SCIN: variants seen among roughly 807,000 people sequenced by gnomAD.
SCIN encodes the protein scinderin, also known as adseverin.
A neutral mutation model predicts 91.8 loss-of-function variants in SCIN; 91 were observed. The ratio of observed to expected loss-of-function variants is 0.99; its 90% CI spans 0.84 to 1.18. The LOEUF (loss-of-function observed/expected upper bound fraction) is 1.18. Among genes scored for constraint, SCIN ranks in the 50% most tolerant of loss-of-function variants. The pLI, the probability that SCIN is intolerant of heterozygous loss-of-function variation, is 0.00. For synonymous variants in SCIN, 367 were observed against 312.6 expected, an observed-to-expected ratio of 1.17 and a Z score of -1.84; for missense variants, 1,087 against 863.9, an observed-to-expected ratio of 1.26 and a Z score of -3.24.
In SCIN at chr7:12,600,181, C is replaced by T. The variant is rs567724817; in HGVS notation, c.517-4333C>T. On this transcript the variant is annotated intron_variant, in intron 3 of 15. Coordinates refer to ENST00000297029, the MANE Select transcript of SCIN (RefSeq NM_001112706.3). ...AGGTCTACTCAGCCATAAAGAGGAA[C>T]GAAATAATGGCATTCGCATGCACCT... Among the ~76,000 whole-genome samples, 72 of 152,154 alleles carry T rather than the reference C, an allele frequency of 4.7e-4. No individual in the cohort carries two copies. In the Middle Eastern group the frequency reaches 0.01, roughly 22 times the overall value.
At chr7:12,604,103 CATGTATTTGTCAATTTAAA>C in intron 3 of SCIN, among the ~76,000 whole-genome samples, 1 of 151,928 alleles carries the variant, frequency 6.6e-6, no homozygotes. Context: ...ATACATGCAA[CATGTATTTGTCAATTTAAA>C]AACATGAATA....
chr7:12,596,130 T>C (rs1782835681), intron 3 of SCIN: 1 of 284,400 alleles, frequency 3.5e-6, no homozygotes, highest in African/African-American at 2.2e-5. Flanking sequence ...TAGGATTTTA[T>C]AGATTCCTTT....
At chr7:12,589,248 G>A (rs1583281697) in intron 3 of SCIN, among the ~76,000 whole-genome samples, 1 of 126,774 alleles carries the variant, frequency 7.9e-6, no homozygotes, top group African/African-American at 3.1e-5. Flanking sequence ...ATGGAGTCTT[G>A]CTCTGTCGCC....
chr7:12,643,019 A>G (rs1405860016), intron 11 of SCIN, among the ~76,000 whole-genome samples: 6 of 152,200 alleles, frequency 3.9e-5, no homozygotes, highest in African/African-American at 1.4e-4. Flanking sequence ...TCAAAATGAC[A>G]TTTAAGCATA....
At position 12,591,136 on chromosome 7, in the gene SCIN, G is replaced by A. The variant is rs184545460; in HGVS notation, c.516+9915G>A. On this transcript the variant is annotated intron_variant, in intron 3 of 15. Coordinates refer to ENST00000297029, the MANE Select transcript of SCIN (RefSeq NM_001112706.3). ...TGTTTGGGAAATGTGGCTGTACGTG[G>A]TCCAGGATATCAGTGGAAGAATGAG... 1.5e-4 allele frequency among the ~76,000 whole-genome samples: 23 copies of A among 152,262 alleles called. No homozygotes were observed. The East Asian group carries it at 4.4e-3, about 29-fold the overall frequency.
intron 11 of SCIN, among the ~76,000 whole-genome samples, chr7:12,643,723 G>A (rs962769287): frequency 1.3e-5 from 2 of 152,186 alleles, no homozygotes; most frequent in Admixed American, 6.5e-5. Flanking sequence ...CCTTCTTGAA[G>A]CATTTTCCTC....
chr7:12,598,690 C>T (rs1380493584), intron 3 of SCIN, among the ~76,000 whole-genome samples: 2 of 151,992 alleles, frequency 1.3e-5, no homozygotes, highest in Non-Finnish European at 2.9e-5. Context: ...CCCAGGACAT[C>T]GAGACCAGCT....
At chr7:12,612,547 T>C (rs1334232073) in intron 4 of SCIN, among the ~76,000 whole-genome samples, 1 of 152,056 alleles carries the variant, frequency 6.6e-6, no homozygotes, top group Admixed American at 6.6e-5. Context: ...ATCCAAAGTA[T>C]TACAGTGATA....
At chr7:12,612,160 C>G (rs1423973461) in intron 4 of SCIN, among the ~76,000 whole-genome samples, 2 of 152,036 alleles carry the variant, frequency 1.3e-5, no homozygotes, top group Admixed American at 1.3e-4. Context: ...TTTCCTATGA[C>G]TTTTTGTAAG....
At chr7:12,649,413 A>G (rs1242914502) in intron 13 of SCIN, 54 bp from the exon 14 acceptor site, 6 of 1,140,906 alleles carry the variant, frequency 5.3e-6, no homozygotes, top group Non-Finnish European at 6.3e-6. Flanking sequence ...TATCCTATGT[A>G]TTAGAAAAAT....
chr7:12,578,368 C>A, intron 2 of SCIN, 150 bp downstream of exon 2: 1 of 583,268 alleles, frequency 1.7e-6, no homozygotes. Context: ...GATATATCCC[C>A]AGTACCTGCT....
At chr7:12,583,538 T>C (rs1050598986) in intron 3 of SCIN, among the ~76,000 whole-genome samples, 1 of 152,204 alleles carries the variant, frequency 6.6e-6, no homozygotes, top group South Asian at 2.1e-4. Context: ...TTAGATAGTA[T>C]GGCCTGGTAA....
chr7:12,633,977 T>C (rs1300278415), intron 9 of SCIN, among the ~76,000 whole-genome samples: 2 of 151,992 alleles, frequency 1.3e-5, no homozygotes, highest in Admixed American at 1.3e-4. Flanking sequence ...TTTTTTTTTT[T>C]TTGCACCCCT....
At chr7:12,626,896 C>A in intron 8 of SCIN, 97 bp downstream of exon 8, 1 of 1,090,788 alleles carries the variant, frequency 9.2e-7, no homozygotes, top group African/African-American at 1.6e-5. Context: ...TCGAGATCAG[C>A]CTGGCCAACA....
At position 12,652,644 on chromosome 7, in the gene SCIN, A is replaced by G. The variant is rs1784105920; in HGVS notation, c.2077A>G (p.Ile693Val). The change falls in exon 16 of 16, where the codon ATC (isoleucine) becomes GTC (valine). Residue 693 changes from isoleucine (I) to valine (V), a missense_variant. Transcript: ENST00000297029. ...AAGAGACAAGAGGACACCAATTGTC[A>G]TCATAAAACAGGGCCATGAGCCACC... The part of the protein sequence containing the change: ...SGRDKRTPIV[I>V]IKQGHEPPTF... 2.5e-6 allele frequency: 4 copies of G among 1,611,640 alleles called. No homozygotes were observed. The highest frequency in any genetic ancestry group is 1.7e-5 in the Admixed American group (1 of 59,540).
intron 3 of SCIN, among the ~76,000 whole-genome samples, chr7:12,593,472 C>G (rs1358567855): frequency 6.6e-6 from 1 of 151,976 alleles, no homozygotes; most frequent in Non-Finnish European, 1.5e-5. Flanking sequence ...TGTAACAAAC[C>G]TGCACATTGT....
chr7:12,590,274 G>T (rs1473200658), intron 3 of SCIN, among the ~76,000 whole-genome samples: 6 of 152,206 alleles, frequency 3.9e-5, no homozygotes, highest in African/African-American at 1.2e-4. Context: ...TTGACGGGAT[G>T]AATGTGGGTG....
At chr7:12,577,886 T>G in intron 1 of SCIN, 178 bp from the exon 2 acceptor site, 1 of 589,380 alleles carries the variant, frequency 1.7e-6, no homozygotes. Context: ...AAAAAAATTG[T>G]TAATTATTAG....
intron 3 of SCIN, among the ~76,000 whole-genome samples, chr7:12,600,138 G>A (rs1447841721): frequency 6.6e-6 from 1 of 152,140 alleles, no homozygotes; most frequent in African/African-American, 2.4e-5. Flanking sequence ...AATCTTTATG[G>A]TTTCAGGTCT....
Sources: gnomAD v4.1 joint callset for allele counts (sites outside exome capture counted in the v4.1 genomes callset) on GRCh38, gnomAD v4.1.1 for gene constraint, MANE v1.5 for transcripts, NCBI Gene and HGNC (gene_info 2026-07-23, HGNC 2026-07-21) for gene names.